Variants in SLC12A7 observed in about 807,000 individuals in gnomAD.
SLC12A7 encodes solute carrier family 12 member 7, also known as K-Cl cotransporter 4.
In SLC12A7, 100 loss-of-function variants were observed where a neutral mutation model predicts 120.6. That is an observed-to-expected ratio of 0.83 (90% CI 0.71 to 0.98). The LOEUF (loss-of-function observed/expected upper bound fraction) is 0.98. Among genes scored for constraint, SLC12A7 ranks in the 50% least tolerant of loss-of-function variants. The pLI is 0.00. For missense variants in SLC12A7, 1,373 were observed against 1,548.1 expected (o/e 0.89, Z 1.90); for synonymous variants, 760 against 678.0 (o/e 1.12, Z -1.88).
At chr5:1,076,020 C>T (rs1738287763) in intron 14 of SLC12A7, 118 bp downstream of exon 14, 3 of 817,358 alleles carry the variant, frequency 3.7e-6, no homozygotes, top group Non-Finnish European at 5.7e-6. Flanking sequence ...CTTGTAGAGG[C>T]ACCCAGTGTC....
the SLC12A7 span, among the ~76,000 whole-genome samples, chr5:1,149,135 C>T: frequency 1.8e-5 from 1 of 55,718 alleles, no homozygotes; most frequent in East Asian, 3.4e-4. Context: ...TACGATGCCG[C>T]ACCCAGAAGG....
chr5:1,154,354 A>AGCACACAC, the SLC12A7 span, among the ~76,000 whole-genome samples: 23 of 141,810 alleles, frequency 1.6e-4, no homozygotes, highest in African/African-American at 5.3e-4. Flanking sequence ...TGGTGTCCGC[A>AGCACACAC]ACACACACAC....
chr5:1,103,836 C>T (rs555410609), intron 1 of SLC12A7, among the ~76,000 whole-genome samples: 2 of 152,370 alleles, frequency 1.3e-5, no homozygotes, highest in Admixed American at 6.5e-5. Context: ...ACTCACTTCC[C>T]GAACCCTCTG....
chr5:1,064,329 G>C, intron 18 of SLC12A7, 77 bp from the exon 19 acceptor site: 1 of 1,502,030 alleles, frequency 6.7e-7, no homozygotes, highest in South Asian at 1.3e-5. Context: ...CTCACAGCCA[G>C]TGCAGGGGCG....
chr5:1,090,622 C>T (rs1740388203), intron 3 of SLC12A7, among the ~76,000 whole-genome samples: 1 of 152,182 alleles, frequency 6.6e-6, no homozygotes, highest in Admixed American at 6.5e-5. Flanking sequence ...CTGTGACTTC[C>T]CAGCGAGGCT....
the SLC12A7 span, among the ~76,000 whole-genome samples, chr5:1,138,920 C>T: frequency 6.6e-6 from 1 of 152,212 alleles, no homozygotes; most frequent in Non-Finnish European, 1.5e-5. Flanking sequence ...CTAACATGTG[C>T]CCTGAGGTGA....
intron 1 of SLC12A7, among the ~76,000 whole-genome samples, chr5:1,104,303 A>G (rs1035691959): frequency 1.3e-5 from 2 of 152,230 alleles, no homozygotes; most frequent in African/African-American, 4.8e-5. Context: ...AGGGAAACTG[A>G]GGCACAGAGC....
At chr5:1,078,480 A>C in intron 11 of SLC12A7, 1 of 607,090 alleles carries the variant, frequency 1.6e-6, no homozygotes, top group East Asian at 2.8e-5. Context: ...CCCCAGCCGC[A>C]TCAGGGCTTG....
intron 1 of SLC12A7, among the ~76,000 whole-genome samples, chr5:1,111,054 C>T (rs1339662665): frequency 6.6e-6 from 1 of 152,194 alleles, no homozygotes. Context: ...GACCCGGGCA[C>T]ATGCGGGCAC....
At chr5:1,115,952 G>A (rs764572177), upstream of SLC12A7, among the ~76,000 whole-genome samples, 3 of 150,468 alleles carry the variant, frequency 2.0e-5, no homozygotes, top group Admixed American at 6.6e-5. Flanking sequence ...TTTTTTAAGC[G>A]TGGTGAGCCT....
At position 1,062,181 on chromosome 5, in the gene SLC12A7, G is replaced by A. The variant is rs1736366663; in HGVS notation, c.2739+1663C>T. 2.6e-5 allele frequency among the ~76,000 whole-genome samples: 4 copies of A among 152,284 alleles called. No individual in the cohort carries two copies. In the South Asian group the frequency reaches 6.2e-4, roughly 24 times the overall value. ...GGCACCACGGAGGGGCTGGGGGTGC[G>A]GCTGGGGCCATGGGCTCACTTTGCC... On this transcript the variant is annotated intron_variant, in intron 20 of 23. Transcript: ENST00000264930.
the SLC12A7 span, among the ~76,000 whole-genome samples, chr5:1,120,105 C>T: frequency 0.6 from 91,348 of 152,178 alleles, 27,588 homozygotes; most frequent in Non-Finnish European, 0.63. Context: ...GGACCCTCCA[C>T]GGCCCCAAAG....
At chr5:1,119,256 T>G in the SLC12A7 span, among the ~76,000 whole-genome samples, 1 of 152,148 alleles carries the variant, frequency 6.6e-6, no homozygotes, top group African/African-American at 2.4e-5. Flanking sequence ...GCTGGGAACC[T>G]GGACTGCAAA....
the SLC12A7 span, among the ~76,000 whole-genome samples, chr5:1,117,587 C>T: frequency 1.3e-5 from 2 of 152,178 alleles, no homozygotes; most frequent in Non-Finnish European, 2.9e-5. This position sits in a 1 kb window ranked among gnomAD's most constrained non-coding sequence, Gnocchi z 4.5. Flanking sequence ...AGATGTTTTG[C>T]GGATCCTTGT....
chr5:1,112,166 T>G, upstream of SLC12A7: 1 of 715,568 alleles, frequency 1.4e-6, no homozygotes. Flanking sequence ...CCGCGGCGAC[T>G]TCCTGCAGGG....
intron 11 of SLC12A7, chr5:1,078,471 C>T (rs1485544202): frequency 3.3e-6 from 2 of 601,950 alleles, no homozygotes; most frequent in African/African-American, 3.7e-5. Context: ...GGCCTGCGCC[C>T]CCAGCCGCAT....
chr5:1,152,391 T>C, the SLC12A7 span, among the ~76,000 whole-genome samples: 2 of 152,354 alleles, frequency 1.3e-5, no homozygotes, highest in African/African-American at 4.8e-5. Context: ...ACCACCCTCC[T>C]TGATGCAAAA....
At chr5:1,133,422 C>T in the SLC12A7 span, among the ~76,000 whole-genome samples, 1 of 152,306 alleles carries the variant, frequency 6.6e-6, no homozygotes, top group African/African-American at 2.4e-5. Flanking sequence ...TCCCTGGAAA[C>T]CCTGCCCTGC....
At chr5:1,062,337 G>C (rs543101081) in intron 20 of SLC12A7, among the ~76,000 whole-genome samples, 1 of 152,300 alleles carries the variant, frequency 6.6e-6, no homozygotes, top group Admixed American at 6.5e-5. Flanking sequence ...ACGACTATTA[G>C]CACCAATAAT....
Sources: gnomAD v4.1 joint callset for allele counts (sites outside exome capture counted in the v4.1 genomes callset) on GRCh38, gnomAD v4.1.1 for gene constraint, Gnocchi (gnomAD v3.1) non-coding constraint, MANE v1.5 for transcripts, NCBI Gene and HGNC (gene_info 2026-07-23, HGNC 2026-07-21) for gene names.